NRG4: variants seen among roughly 807,000 people sequenced by gnomAD.
The protein encoded by NRG4 is neuregulin 4.
Under a neutral mutation model 15.0 loss-of-function variants are expected in NRG4, and 10 were observed. The ratio of observed to expected loss-of-function variants is 0.67; its 90% CI spans 0.41 to 1.13. The LOEUF (loss-of-function observed/expected upper bound fraction) is 1.13. Among genes scored for constraint, NRG4 ranks in the 50% most tolerant of loss-of-function variants. The pLI is 0.00. For synonymous variants in NRG4, 41 were observed against 50.1 expected (o/e 0.82, Z 0.77); for missense variants, 139 against 140.2 (o/e 0.99, Z 0.04).
chr15:75,948,447 G>A (rs2031670337), intron 5 of NRG4, among the ~76,000 whole-genome samples: 1 of 151,834 alleles, frequency 6.6e-6, no homozygotes, highest in African/African-American at 2.4e-5. Flanking sequence ...CTACAGGCAC[G>A]TGCCACCATG....
At chr15:75,980,976 A>G (rs980738598) in intron 3 of NRG4, among the ~76,000 whole-genome samples, 1 of 152,218 alleles carries the variant, frequency 6.6e-6, no homozygotes, top group African/African-American at 2.4e-5. Flanking sequence ...ACCAAAATAC[A>G]TAAATCCAAG....
chr15:75,942,988 C>T lies in NRG4; in HGVS notation c.*650G>A, dbSNP rs1288637200. 6.6e-5 allele frequency: 10 copies of T among 152,160 alleles called. No individual in the cohort carries two copies. The highest frequency in any genetic ancestry group is 6.5e-4 in the Admixed American group (10 of 15,288). 9.4% of individuals were successfully genotyped at this position (152,160 alleles called of 1,614,324 possible). ...CTTTGTGACCTGTGTAGTACAATAA[C>T]AATCCTAAATTTCCAGTTACTTGCA... is the stretch of plus-strand genomic sequence containing the variant. On this transcript the variant is annotated 3_prime_UTR_variant, in exon 6 of 6. Coordinates refer to ENST00000394907, the MANE Select transcript of NRG4 (RefSeq NM_138573.4).
intron 1 of NRG4, among the ~76,000 whole-genome samples, chr15:76,058,903 G>T (rs2036221966): frequency 6.6e-6 from 1 of 152,130 alleles, no homozygotes; most frequent in African/African-American, 2.4e-5. Context: ...ACCCATTATG[G>T]GTGAGGACTT....
At chr15:75,976,300 G>A (rs1595978143) in intron 3 of NRG4, among the ~76,000 whole-genome samples, 1 of 152,114 alleles carries the variant, frequency 6.6e-6, no homozygotes, top group South Asian at 2.1e-4. Flanking sequence ...TAGCTTGAAG[G>A]AGTTTGTTAT....
intron 3 of NRG4, among the ~76,000 whole-genome samples, chr15:75,964,848 C>A (rs2032713413): frequency 6.6e-6 from 1 of 152,026 alleles, no homozygotes; most frequent in African/African-American, 2.4e-5. Flanking sequence ...ATCACTTGAG[C>A]CCAGGTCAAG....
At chr15:76,053,230 T>C (rs2036067867) in intron 2 of NRG4, 1 of 151,006 alleles carries the variant, frequency 6.6e-6, no homozygotes, top group Non-Finnish European at 1.5e-5. Flanking sequence ...CACAACTTTG[T>C]GTACATACGT....
intron 3 of NRG4, among the ~76,000 whole-genome samples, chr15:75,990,935 C>G (rs924997786): frequency 3.9e-5 from 6 of 152,040 alleles, no homozygotes; most frequent in African/African-American, 1.4e-4. Flanking sequence ...CTCAGCTTCC[C>G]AAAGTGCTGG....
chr15:75,942,147 G>A lies in NRG4; in HGVS notation c.*1491C>T, dbSNP rs2031051991. 6.6e-6 allele frequency: 1 copy of A among 151,962 alleles called. No individual in the cohort carries two copies. Among genetic ancestry groups the A allele is most frequent in the Non-Finnish European group, 1.5e-5 (1 of 67,984 alleles). 9.4% of individuals were successfully genotyped at this position (151,962 alleles called of 1,614,324 possible). A position where few individuals can be genotyped will look rare whatever the true frequency, so the allele number is the denominator to read the frequency against. ...AAGTTAGTAAAGACTGGTTGCCAGA[G>A]GTTCAGTGGGAGAGAGGGAGGGGTA... On this transcript the variant is annotated 3_prime_UTR_variant, in exon 6 of 6. Coordinates refer to ENST00000394907, the MANE Select transcript of NRG4 (RefSeq NM_138573.4).
intron 5 of NRG4, among the ~76,000 whole-genome samples, chr15:76,027,534 C>A (rs2035348223): frequency 6.6e-6 from 1 of 151,674 alleles, no homozygotes; most frequent in East Asian, 1.9e-4. Context: ...AGCACCAGAG[C>A]ACCCAGATAT....
chr15:75,952,631 C>T (rs995696444), intron 5 of NRG4, among the ~76,000 whole-genome samples: 3 of 151,128 alleles, frequency 2.0e-5, no homozygotes, highest in African/African-American at 7.3e-5. Context: ...GCTATGTTAC[C>T]CAGGCTAGCC....
At chr15:76,032,690 G>T (rs1043022101) in intron 5 of NRG4, among the ~76,000 whole-genome samples, 2 of 152,122 alleles carry the variant, frequency 1.3e-5, no homozygotes, top group East Asian at 3.9e-4. Flanking sequence ...ATAAAAAGCT[G>T]GCACAAATGG....
intron 3 of NRG4, among the ~76,000 whole-genome samples, chr15:75,997,594 T>C (rs1006358783): frequency 7.9e-5 from 12 of 152,142 alleles, no homozygotes; most frequent in African/African-American, 2.9e-4. Context: ...CTGGGTACAG[T>C]GTGAGCATAT....
intron 4 of NRG4, among the ~76,000 whole-genome samples, chr15:76,044,216 A>T (rs890171688): frequency 6.7e-6 from 1 of 149,702 alleles, no homozygotes; most frequent in Non-Finnish European, 1.5e-5. Context: ...GTTAGCCAGG[A>T]TGGTCTCGAT....
At chr15:76,026,932 C>T (rs2035332925) in intron 5 of NRG4, among the ~76,000 whole-genome samples, 1 of 152,036 alleles carries the variant, frequency 6.6e-6, no homozygotes, top group South Asian at 2.1e-4. Flanking sequence ...ACCATCCTGG[C>T]TAACATGGTG....
chr15:75,955,828 C>G, intron 5 of NRG4, 104 bp downstream of exon 5: 1 of 534,282 alleles, frequency 1.9e-6, no homozygotes. Context: ...AAAGTTTAGG[C>G]TCAACCTTTT....
intron 3 of NRG4, among the ~76,000 whole-genome samples, chr15:75,985,719 A>G (rs1464187353): frequency 6.6e-6 from 1 of 152,156 alleles, no homozygotes; most frequent in East Asian, 1.9e-4. Flanking sequence ...TGTCAACTCT[A>G]TTCTCCACAT....
At chr15:76,000,149 G>A (rs1230173606) in intron 3 of NRG4, among the ~76,000 whole-genome samples, 2 of 152,144 alleles carry the variant, frequency 1.3e-5, no homozygotes, top group Non-Finnish European at 2.9e-5. Flanking sequence ...CTCCTAAAGT[G>A]TTGGGATTAC....
At chr15:76,011,594 CATAGT>C (rs2034812741) in intron 1 of NRG4, among the ~76,000 whole-genome samples, 1 of 151,986 alleles carries the variant, frequency 6.6e-6, no homozygotes, top group Admixed American at 6.6e-5. Context: ...ACATTGTTAA[CATAGT>C]AGAGTACTAC....
intron 5 of NRG4, among the ~76,000 whole-genome samples, chr15:76,028,969 G>A (rs1307777728): frequency 6.8e-6 from 1 of 148,130 alleles, no homozygotes; most frequent in African/African-American, 2.5e-5. Context: ...ACATAACTGT[G>A]ATAGCAAAAC....
Sources: gnomAD v4.1 joint callset for allele counts (sites outside exome capture counted in the v4.1 genomes callset) on GRCh38, gnomAD v4.1.1 for gene constraint, MANE v1.5 for transcripts, NCBI Gene and HGNC (gene_info 2026-07-23, HGNC 2026-07-21) for gene names.